The following RALGDS variants were observed in gnomAD, a reference collection of about 807,000 sequenced individuals.
RALGDS encodes ral guanine nucleotide dissociation stimulator, also known as ral guanine nucleotide exchange factor.
In RALGDS, 44 loss-of-function variants were observed where a neutral mutation model predicts 99.8. The ratio of observed to expected loss-of-function variants is 0.44; its 90% CI spans 0.35 to 0.57. The LOEUF is 0.57. Among genes scored for constraint, RALGDS ranks in the 20% least tolerant of loss-of-function variants. RALGDS has a pLI of 0.01. For missense variants in RALGDS, 1,022 were observed against 1,203.1 expected (o/e 0.85, Z 2.23); for synonymous variants, 529 against 505.0 (o/e 1.05, Z -0.64).
intron 12 of RALGDS, 49 bp from the exon 13 acceptor site, chr9:133,102,949 A>C: frequency 6.2e-7 from 1 of 1,608,024 alleles, no homozygotes; most frequent in Non-Finnish European, 8.5e-7. Context: ...CCCGGGCAGC[A>C]CAGGGGCCAG....
Position 133,102,880 on chromosome 9 carries a change from C to T in RALGDS, c.1812G>A (p.Gln604=), listed in dbSNP as rs745640776. The T allele has an allele frequency of 1.5e-5, 25 of 1,613,512 alleles. No individual in the cohort carries two copies. In the East Asian group the frequency reaches 4.9e-4, roughly 32 times the overall value. ...KRRKEFEVIA[Q]IKLLQSACNN... ...TGCAGGCCGACTGCAGCAGCTTGAT[C>T]TGGGCGATCACCTCGAACTCCTGGG... Residue 604 remains glutamine (Q), a synonymous_variant, in exon 13 of 18, where the codon CAG becomes CAA. Transcript: ENST00000372050.
At chr9:133,148,252 G>A (rs1832657800) in intron 1 of RALGDS, among the ~76,000 whole-genome samples, 1 of 152,178 alleles carries the variant, frequency 6.6e-6, no homozygotes, top group Non-Finnish European at 1.5e-5. Context: ...CTACAGCCCC[G>A]TCCACACTGA....
At chr9:133,119,226 C>T (rs1442557635) in intron 1 of RALGDS, among the ~76,000 whole-genome samples, 1 of 152,166 alleles carries the variant, frequency 6.6e-6, no homozygotes, top group Non-Finnish European at 1.5e-5. Flanking sequence ...AAGTGCGCAG[C>T]GTCAGCTCTG....
chr9:133,117,151 G>A (rs1419728840), intron 1 of RALGDS, among the ~76,000 whole-genome samples: 1 of 152,242 alleles, frequency 6.6e-6, no homozygotes, highest in Non-Finnish European at 1.5e-5. Flanking sequence ...CACCTAATCA[G>A]AAAACCTCAT....
At chr9:133,141,404 AG>A (rs978808936) in intron 1 of RALGDS, among the ~76,000 whole-genome samples, 9 of 152,194 alleles carry the variant, frequency 5.9e-5, no homozygotes, top group African/African-American at 1.7e-4. Flanking sequence ...GCAGTGCCCA[AG>A]TCTGGGTGCA....
intron 1 of RALGDS, among the ~76,000 whole-genome samples, chr9:133,136,546 C>A (rs966042707): frequency 6.6e-6 from 1 of 152,024 alleles, no homozygotes; most frequent in Non-Finnish European, 1.5e-5. Flanking sequence ...GAGGCCGAGG[C>A]GGGTGGATCA....
Position 133,108,330 on chromosome 9 carries a change from T to A in RALGDS, c.855A>T (p.Pro285=). 3 of 1,543,372 alleles carry A rather than the reference T, an allele frequency of 1.9e-6. No homozygotes were observed. In the East Asian group the frequency reaches 7.3e-5, roughly 38 times the overall value. Residue 285 remains proline, a synonymous_variant, in exon 6 of 18, where the codon CCA becomes CCT. Transcript: ENST00000372050. Reference sequence around the variant, plus strand: ...CTGGCTCCGGGGCTGGAGCCGGCACTGGGCTGGGTGCTCGAGCTGGTGTTA... The same window carrying A: ...CTGGCTCCGGGGCTGGAGCCGGCACAGGGCTGGGTGCTCGAGCTGGTGTTA... ...LALTPARAPS[P]VPAPAPEPEP...
chr9:133,126,661 A>G (rs1832169751), intron 1 of RALGDS, among the ~76,000 whole-genome samples: 2 of 152,170 alleles, frequency 1.3e-5, no homozygotes, highest in Admixed American at 1.3e-4. Context: ...GGGGCCACCA[A>G]TTCAACATGT....
chr9:133,143,526 G>A (rs964593373), intron 1 of RALGDS, among the ~76,000 whole-genome samples: 2 of 151,976 alleles, frequency 1.3e-5, no homozygotes, highest in Non-Finnish European at 2.9e-5. Context: ...AGGCCGAGGC[G>A]GGGGGAATCC....
rs140068712 is a variant in RALGDS at position 133,138,040 on chromosome 9, C to T, written c.18+10923G>A. Among the ~76,000 whole-genome samples the T allele has an allele frequency of 4.9e-4, 74 of 152,292 alleles. 1 individual carries two copies. Among genetic ancestry groups the T allele is most frequent in the Middle Eastern group, 3.4e-3 (1 of 294 alleles). ...CTGCCGTGCCAGGGACACTGTGTGC[C>T]CGGTGCCGCCACCAGCCTGCTGCCT... On this transcript the variant is annotated intron_variant, in intron 1 of 17. Coordinates refer to the RALGDS transcript ENST00000393160.
intron 1 of RALGDS, among the ~76,000 whole-genome samples, chr9:133,113,593 T>C (rs1262078981): frequency 1.3e-5 from 2 of 152,166 alleles, no homozygotes; most frequent in East Asian, 3.9e-4. Context: ...GGTCTGGCCC[T>C]TCCACTGACA....
chr9:133,102,587 C>A lies in RALGDS; in HGVS notation c.1914-16G>T, dbSNP rs781682885. 23 of 1,613,130 alleles carry A rather than the reference C, an allele frequency of 1.4e-5. No individual in the cohort carries two copies. The highest frequency in any genetic ancestry group is 5.0e-5 in the Admixed American group (3 of 60,010). On this transcript the variant is annotated splice_polypyrimidine_tract_variant and intron_variant, in intron 13 of 17. Coordinates refer to ENST00000372050, the MANE Select transcript of RALGDS (RefSeq NM_006266.4). ...CAGGTTGTAGCTATGAGCAGAGGGG[C>A]AGTGGTGTGACAACCAGGGGCCATG...
rs369225385 is a variant in RALGDS at position 133,109,733 on chromosome 9, G to A, written c.489-12C>T. On this transcript the variant is annotated splice_polypyrimidine_tract_variant and intron_variant, in intron 3 of 17. Coordinates refer to ENST00000372050, the MANE Select transcript of RALGDS (RefSeq NM_006266.4). ...CACATCTACCGTACCTGCTTATGAC[G>A]TCTAGTGTTACTGTCTGACTCTCCG... is the stretch of plus-strand genomic sequence containing the variant. The A allele has an allele frequency of 1.4e-5, 22 of 1,606,894 alleles. No individual in the cohort carries two copies. Among genetic ancestry groups the A allele is most frequent in the Middle Eastern group, 1.6e-4 (1 of 6,074 alleles).
At chr9:133,108,611 C>A in intron 5 of RALGDS, 62 bp downstream of exon 5, 1 of 1,589,830 alleles carries the variant, frequency 6.3e-7, no homozygotes, top group South Asian at 1.1e-5. Context: ...GCCTCCTCTT[C>A]GTGTGGCCCA....
chr9:133,148,951 G>A, intron 1 of RALGDS: 1 of 1,602,424 alleles, frequency 6.2e-7, no homozygotes, highest in Non-Finnish European at 8.5e-7. Context: ...GCTGGGGACG[G>A]CGCGCACTCA....
At chr9:133,108,930 T>G (rs891099213) in intron 4 of RALGDS, 64 bp from the exon 5 acceptor site, 1 of 1,481,058 alleles carries the variant, frequency 6.8e-7, no homozygotes, top group African/African-American at 1.4e-5. Flanking sequence ...GCTGGGCTCC[T>G]GAGCCGGCCC....
rs774793120 is a variant in RALGDS at position 133,106,716 on chromosome 9, C to T, written c.1446G>A (p.Leu482=). 6.2e-7 allele frequency: 1 copy of T among 1,612,716 alleles called. No homozygotes were observed. The highest frequency in any genetic ancestry group is 1.1e-5 in the South Asian group (1 of 90,946). Residue 482 remains leucine, a synonymous_variant, in exon 8 of 18, where the codon CTG becomes CTA. Transcript: ENST00000372050. Reference sequence around the variant, plus strand: ...TCTGCAGGGCAGAGAGGATGGCATACAGTGACGAGAAGTTCTTGAGGATCC... The same window carrying T: ...TCTGCAGGGCAGAGAGGATGGCATATAGTGACGAGAAGTTCTTGAGGATCC... ...ECRILKNFSS[L]YAILSALQSN...
chr9:133,129,055 G>C, intron 1 of RALGDS: 1 of 1,424,128 alleles, frequency 7.0e-7, no homozygotes, highest in East Asian at 2.5e-5. Context: ...GGGAGTCCTG[G>C]GAAAGCAACT....
chr9:133,121,934 ACCTTTTTGGGGCAAAGCCCCACACTATC>A (rs926022823), upstream of RALGDS, among the ~76,000 whole-genome samples: 1 of 105,448 alleles, frequency 9.5e-6, no homozygotes, highest in African/African-American at 3.4e-5. Flanking sequence ...GTGGGGCCCT[ACCTTTTTGGGGCAAAGCCCCACACTATC>A]CCCTTACAGA....
Sources: allele counts gnomAD v4.1 joint callset (sites outside exome capture counted in the v4.1 genomes callset), GRCh38; gene constraint gnomAD v4.1.1; transcripts MANE v1.5; gene names NCBI Gene and HGNC (gene_info 2026-07-23, HGNC 2026-07-21).